The following GABRB1 variants were observed in gnomAD, a reference collection of about 807,000 sequenced individuals.
GABRB1 encodes the protein gamma-aminobutyric acid type A receptor subunit beta1.
Under a neutral mutation model 51.6 loss-of-function variants are expected in GABRB1, and 17 were observed. That is an observed-to-expected ratio of 0.33 (90% CI 0.23 to 0.49). The LOEUF (loss-of-function observed/expected upper bound fraction) is 0.49, where lower values mean the gene tolerates loss of function less well. Ranked by LOEUF, GABRB1 falls within the 20% of genes least tolerant of loss-of-function variation. The pLI, the probability that GABRB1 is intolerant of heterozygous loss-of-function variation, is 0.99. For synonymous variants in GABRB1, 247 were observed against 218.9 expected (o/e 1.13, Z -1.14); for missense variants, 410 against 600.6 (o/e 0.68, Z 3.32).
chr4:47,184,807 C>T (rs1719102069), intron 4 of GABRB1, among the ~76,000 whole-genome samples: 1 of 151,866 alleles, frequency 6.6e-6, no homozygotes, highest in Non-Finnish European at 1.5e-5. Context: ...AATTTTATAG[C>T]CTCAGGAGTC....
intron 5 of GABRB1, among the ~76,000 whole-genome samples, chr4:47,326,659 ACCTTGCC>A (rs1725273080): frequency 6.6e-6 from 1 of 152,132 alleles, no homozygotes; most frequent in Non-Finnish European, 1.5e-5. Flanking sequence ...CCTGAGATCT[ACCTTGCC>A]CCTTCCACCA....
chr4:47,375,751 C>T (rs1324933407), intron 5 of GABRB1, among the ~76,000 whole-genome samples: 1 of 152,200 alleles, frequency 6.6e-6, no homozygotes, highest in Non-Finnish European at 1.5e-5. Context: ...CATAACCTGC[C>T]TAATTGCAAA....
intron 4 of GABRB1, among the ~76,000 whole-genome samples, chr4:47,187,741 C>A (rs1437815772): frequency 2.6e-5 from 4 of 151,820 alleles, no homozygotes; most frequent in Non-Finnish European, 5.9e-5. Flanking sequence ...ATTGTCTAAC[C>A]CCAGGGTAGC....
intron 4 of GABRB1, among the ~76,000 whole-genome samples, chr4:47,238,306 A>G (rs908893648): frequency 6.6e-6 from 1 of 152,136 alleles, no homozygotes; most frequent in Non-Finnish European, 1.5e-5. Flanking sequence ...GATTCTGCTT[A>G]ATATCCTTTT....
At chr4:47,067,810 C>G (rs1486110779) in intron 3 of GABRB1, among the ~76,000 whole-genome samples, 1 of 152,006 alleles carries the variant, frequency 6.6e-6, no homozygotes, top group Non-Finnish European at 1.5e-5. Flanking sequence ...GTTTGCTGCG[C>G]AGATCAACCC....
At chr4:47,070,033 T>C (rs747095456) in intron 3 of GABRB1, among the ~76,000 whole-genome samples, 6 of 151,688 alleles carry the variant, frequency 4.0e-5, no homozygotes, top group Non-Finnish European at 5.9e-5. Context: ...GCTGTTTTTT[T>C]TTTTCTTTTC....
At chr4:47,098,815 C>T (rs1186317423) in intron 3 of GABRB1, among the ~76,000 whole-genome samples, 2 of 151,960 alleles carry the variant, frequency 1.3e-5, no homozygotes, top group African/African-American at 2.4e-5. Flanking sequence ...CAGAGTTTTG[C>T]TAATGAGCCA....
At chr4:47,159,753 A>G (rs1717856622) in intron 3 of GABRB1, among the ~76,000 whole-genome samples, 1 of 152,084 alleles carries the variant, frequency 6.6e-6, no homozygotes, top group African/African-American at 2.4e-5. Context: ...AGAAATGCAT[A>G]AATATCCATT....
At chr4:47,309,241 A>G (rs1339571010) in intron 4 of GABRB1, among the ~76,000 whole-genome samples, 1 of 147,794 alleles carries the variant, frequency 6.8e-6, no homozygotes, top group African/African-American at 2.5e-5. Flanking sequence ...CTATTGTTCT[A>G]TTCCCTATTA....
chr4:47,333,184 C>A (rs1315159713), intron 5 of GABRB1, among the ~76,000 whole-genome samples: 4 of 120,944 alleles, frequency 3.3e-5, no homozygotes, highest in East Asian at 4.7e-4. Flanking sequence ...ATATTTAAAA[C>A]CCATTTTATT....
chr4:47,295,274 T>C (rs1459586401), intron 4 of GABRB1, among the ~76,000 whole-genome samples: 1 of 151,690 alleles, frequency 6.6e-6, no homozygotes, highest in Non-Finnish European at 1.5e-5. Flanking sequence ...CTTTGACGAG[T>C]TGAGAGGAGA....
chr4:47,347,647 A>G (rs1414938858), intron 5 of GABRB1, among the ~76,000 whole-genome samples: 5 of 152,270 alleles, frequency 3.3e-5, no homozygotes, highest in Non-Finnish European at 7.4e-5. Flanking sequence ...AAAAAAAATG[A>G]TGTCTGACTT....
At chr4:47,285,631 T>A (rs1379607005) in intron 4 of GABRB1, among the ~76,000 whole-genome samples, 1 of 152,196 alleles carries the variant, frequency 6.6e-6, no homozygotes, top group African/African-American at 2.4e-5. Context: ...GGCTCTAGTA[T>A]TAAATGGCAT....
chr4:47,108,026 A>C (rs17538945), intron 3 of GABRB1, among the ~76,000 whole-genome samples: 16,220 of 152,076 alleles, frequency 0.11, 1,037 homozygotes, highest in South Asian at 0.2. Context: ...GTTCATAATA[A>C]ACCATATCTC....
Position 47,252,264 on chromosome 4 carries a change from T to C in GABRB1, c.462-67863T>C, listed in dbSNP as rs555899799. On this transcript the variant is annotated intron_variant, in intron 4 of 8. Coordinates refer to ENST00000295454, the MANE Select transcript of GABRB1 (RefSeq NM_000812.4). ...CTCAACTCCAAGTAAGGTCAGAAAC[T>C]TCTCCCACAAACAGACTTTCAGTTT... Among the ~76,000 whole-genome samples, 5 of 152,080 alleles carry C rather than the reference T, an allele frequency of 3.3e-5. No homozygotes were observed. The East Asian group carries it at 9.7e-4, about 30-fold the overall frequency.
intron 3 of GABRB1, among the ~76,000 whole-genome samples, chr4:47,052,856 T>C (rs1726415134): frequency 6.6e-6 from 1 of 151,876 alleles, no homozygotes; most frequent in African/African-American, 2.4e-5. Context: ...AAAGAAAAAA[T>C]AGAGAGCGAG....
intron 3 of GABRB1, among the ~76,000 whole-genome samples, chr4:47,120,822 C>T (rs1348461205): frequency 6.6e-6 from 1 of 152,040 alleles, no homozygotes; most frequent in Non-Finnish European, 1.5e-5. Context: ...GTGCCCTATT[C>T]TACTGTGGCT....
intron 3 of GABRB1, among the ~76,000 whole-genome samples, chr4:47,137,849 C>G (rs1371581361): frequency 1.3e-5 from 2 of 152,016 alleles, no homozygotes; most frequent in African/African-American, 4.8e-5. Context: ...AAGTTTAATT[C>G]AATTTGTTCC....
chr4:46,998,524 G>T (rs1201394137), intron 1 of GABRB1, among the ~76,000 whole-genome samples: 1 of 152,010 alleles, frequency 6.6e-6, no homozygotes, highest in East Asian at 1.9e-4. Context: ...CGAAGGTCAG[G>T]AGATGGAGAC....
Sources: gnomAD v4.1 joint callset for allele counts (sites outside exome capture counted in the v4.1 genomes callset) on GRCh38, gnomAD v4.1.1 for gene constraint, MANE v1.5 for transcripts, NCBI Gene and HGNC (gene_info 2026-07-23, HGNC 2026-07-21) for gene names.